The following CADPS2 variants were observed in gnomAD, a reference collection of about 807,000 sequenced individuals.
CADPS2 encodes the protein calcium dependent secretion activator 2, also known as calcium-dependent secretion activator 2.
CADPS2 carries 93 observed loss-of-function variants against 172.5 expected under a neutral mutation model. That is an observed-to-expected ratio of 0.54 (90% CI 0.46 to 0.64). The LOEUF is 0.64. CADPS2 is among the 30% of genes least tolerant of loss of function. The probability of loss-of-function intolerance (pLI) is 0.00; values close to 1 mark genes in which losing one functional copy is unlikely to be tolerated. For synonymous variants in CADPS2, 546 were observed against 555.2 expected (o/e 0.98, Z 0.23); for missense variants, 1,420 against 1,565.9 (o/e 0.91, Z 1.57).
At chr7:122,518,162 G>A (rs2060515669) in intron 8 of CADPS2, among the ~76,000 whole-genome samples, 1 of 151,802 alleles carries the variant, frequency 6.6e-6, no homozygotes, top group Non-Finnish European at 1.5e-5. Flanking sequence ...ACTCTATATA[G>A]AAAGACTGTA....
chr7:122,335,956 G>C (rs1361063835), intron 28 of CADPS2, among the ~76,000 whole-genome samples: 6 of 152,158 alleles, frequency 3.9e-5, no homozygotes, highest in Admixed American at 3.9e-4. Context: ...AAGAATGTAG[G>C]TGAGGTACGG....
rs182740894 is a variant in CADPS2 at position 122,731,095 on chromosome 7, G to T, written c.453+5860C>A. The stretch of plus-strand genomic sequence containing the variant: ...GGGTGGGGGTGGCAACAACAAAGCT[G>T]ATTTTAATACTTTTTTGGTAACTTT... On this transcript the variant is annotated intron_variant, in intron 2 of 29. Transcript: ENST00000449022. 2.0e-3 allele frequency among the ~76,000 whole-genome samples: 296 copies of T among 151,482 alleles called. 1 individual carries two copies. The highest frequency in any genetic ancestry group is 6.8e-3 in the African/African-American group (281 of 41,412).
intron 3 of CADPS2, among the ~76,000 whole-genome samples, chr7:122,651,813 T>C (rs1282013304): frequency 1.3e-5 from 2 of 152,208 alleles, no homozygotes; most frequent in Non-Finnish European, 2.9e-5. Context: ...TTAATCATTT[T>C]AAGAGACAAA....
rs189876261 is a variant in CADPS2, at chr7:122,469,058, A to G, written c.2186+2317T>C. On this transcript the variant is annotated intron_variant, in intron 14 of 29. Coordinates refer to ENST00000449022, the MANE Select transcript of CADPS2 (RefSeq NM_017954.11). ...AGATAATATATGCATGAACATATAA[A>G]CATACCTTGAATTACACATTACAGA... 7.0e-4 allele frequency among the ~76,000 whole-genome samples: 107 copies of G among 152,278 alleles called. 1 individual carries two copies. The highest frequency in any genetic ancestry group is 2.4e-3 in the African/African-American group (101 of 41,558).
chr7:122,808,739 T>C (rs896212077), intron 1 of CADPS2, among the ~76,000 whole-genome samples: 1 of 152,224 alleles, frequency 6.6e-6, no homozygotes, highest in African/African-American at 2.4e-5. Flanking sequence ...ACCAAGATAT[T>C]GAATGAATTT....
At chr7:122,663,840 T>C (rs2080880638) in intron 2 of CADPS2, among the ~76,000 whole-genome samples, 1 of 152,204 alleles carries the variant, frequency 6.6e-6, no homozygotes, top group Non-Finnish European at 1.5e-5. Context: ...CTCCCACCTC[T>C]ACAACGAAAT....
intron 17 of CADPS2, among the ~76,000 whole-genome samples, chr7:122,423,471 T>C (rs980379985): frequency 3.9e-5 from 6 of 152,112 alleles, no homozygotes; most frequent in Non-Finnish European, 8.8e-5. Context: ...GGTGAGGTGG[T>C]TCCCAAAAGC....
At chr7:122,472,128 T>C (rs2056039302) in intron 13 of CADPS2, among the ~76,000 whole-genome samples, 1 of 152,214 alleles carries the variant, frequency 6.6e-6, no homozygotes, top group South Asian at 2.1e-4. Flanking sequence ...TGTTAGAATG[T>C]ATGTGTGTGC....
At chr7:122,618,404 G>C (rs2075207826) in intron 5 of CADPS2, among the ~76,000 whole-genome samples, 2 of 151,916 alleles carry the variant, frequency 1.3e-5, no homozygotes, top group Non-Finnish European at 2.9e-5. Flanking sequence ...AGTAGAGAAA[G>C]CCAGCTAATT....
At chr7:122,660,489 C>T (rs933591500) in intron 3 of CADPS2, among the ~76,000 whole-genome samples, 2 of 151,862 alleles carry the variant, frequency 1.3e-5, no homozygotes, top group African/African-American at 2.4e-5. Flanking sequence ...AGAACAAATG[C>T]ATCAAGTGGT....
intron 2 of CADPS2, among the ~76,000 whole-genome samples, chr7:122,690,079 C>T (rs145926375): frequency 6.6e-6 from 1 of 152,330 alleles, no homozygotes; most frequent in East Asian, 1.9e-4. Flanking sequence ...GCCGATCCAA[C>T]AGTTAGAGAC....
intron 15 of CADPS2, among the ~76,000 whole-genome samples, chr7:122,450,812 G>C (rs2052992299): frequency 6.6e-6 from 1 of 152,052 alleles, no homozygotes; most frequent in Admixed American, 6.6e-5. Context: ...TGGGATTACA[G>C]GCATGAGACT....
intron 1 of CADPS2, among the ~76,000 whole-genome samples, chr7:122,780,304 T>G (rs1455452764): frequency 1.3e-5 from 2 of 152,108 alleles, no homozygotes; most frequent in Non-Finnish European, 2.9e-5. Flanking sequence ...AACATCCCCC[T>G]CTCTGCAACT....
intron 19 of CADPS2, 141 bp downstream of exon 19, chr7:122,413,927 C>T (rs1460790159): frequency 2.9e-6 from 2 of 683,900 alleles, no homozygotes; most frequent in African/African-American, 1.9e-5. Flanking sequence ...TTAGCACATT[C>T]AAAGAAAAAC....
chr7:122,438,242 C>T (rs1357666259), intron 17 of CADPS2, 99 bp downstream of exon 17: 5 of 1,431,916 alleles, frequency 3.5e-6, no homozygotes, highest in Non-Finnish European at 4.9e-6. Context: ...TGCCATGGCA[C>T]AGGATTGTTC....
intron 1 of CADPS2, among the ~76,000 whole-genome samples, chr7:122,877,448 G>A (rs1240231723): frequency 6.6e-6 from 1 of 152,052 alleles, no homozygotes; most frequent in Non-Finnish European, 1.5e-5. Context: ...CTATTGGACA[G>A]GACCAGACAA....
At chr7:122,587,610 T>C (rs1220567235) in intron 6 of CADPS2, among the ~76,000 whole-genome samples, 2 of 152,208 alleles carry the variant, frequency 1.3e-5, no homozygotes, top group Admixed American at 6.6e-5. Flanking sequence ...GAATGATTTA[T>C]ATTCCTTTGG....
At chr7:122,645,527 A>AGT (rs1563950847) in intron 3 of CADPS2, among the ~76,000 whole-genome samples, 29 of 24,894 alleles carry the variant, frequency 1.2e-3, no homozygotes, top group East Asian at 0.011. Flanking sequence ...TATATATATA[A>AGT]GTATATATAT....
chr7:122,598,863 C>A (rs1375190436), intron 6 of CADPS2, among the ~76,000 whole-genome samples: 2 of 151,976 alleles, frequency 1.3e-5, no homozygotes, highest in African/African-American at 4.8e-5. Flanking sequence ...TCAGTGAGCT[C>A]AAAGTTTTTG....
Sources: gnomAD v4.1 joint callset for allele counts (sites outside exome capture counted in the v4.1 genomes callset) on GRCh38, gnomAD v4.1.1 for gene constraint, MANE v1.5 for transcripts, NCBI Gene and HGNC (gene_info 2026-07-23, HGNC 2026-07-21) for gene names.